QTMAN: variants seen among roughly 807,000 people sequenced by gnomAD.
QTMAN encodes tRNA-queuosine alpha-mannosyltransferase.
At chr2:144,144,387 T>G in the QTMAN span, among the ~76,000 whole-genome samples, 1 of 150,752 alleles carries the variant, frequency 6.6e-6, no homozygotes, top group Non-Finnish European at 1.5e-5. Flanking sequence ...ATAGACTTAG[T>G]TTTTTTCCCA....
the QTMAN span, among the ~76,000 whole-genome samples, chr2:144,101,402 A>T: frequency 6.6e-6 from 1 of 151,364 alleles, no homozygotes; most frequent in African/African-American, 2.4e-5. Flanking sequence ...TCTCACACAC[A>T]CACACACACA....
chr2:143,973,009 T>A, the QTMAN span, among the ~76,000 whole-genome samples: 1 of 152,242 alleles, frequency 6.6e-6, no homozygotes, highest in Non-Finnish European at 1.5e-5. Context: ...GTAATTATTT[T>A]AGGAGACATG....
chr2:144,170,470 G>A, the QTMAN span, among the ~76,000 whole-genome samples: 1 of 152,122 alleles, frequency 6.6e-6, no homozygotes, highest in Non-Finnish European at 1.5e-5. Flanking sequence ...CAAAGGGAGT[G>A]GGTTTGCATC....
At chr2:144,296,236 G>A in the QTMAN span, among the ~76,000 whole-genome samples, 2 of 152,274 alleles carry the variant, frequency 1.3e-5, no homozygotes, top group East Asian at 3.9e-4. Context: ...AAACACTAAG[G>A]TTGATGAGTA....
chr2:144,265,589 C>T, the QTMAN span, among the ~76,000 whole-genome samples: 1 of 151,842 alleles, frequency 6.6e-6, no homozygotes, highest in Admixed American at 6.6e-5. Flanking sequence ...TCCAGCTACT[C>T]GGGAGGCTGA....
At chr2:144,024,903 T>C in the QTMAN span, among the ~76,000 whole-genome samples, 1 of 152,052 alleles carries the variant, frequency 6.6e-6, no homozygotes, top group Non-Finnish European at 1.5e-5. Flanking sequence ...AATATGCCAA[T>C]TAGAAAGCAT....
chr2:144,262,567 C>A, the QTMAN span, among the ~76,000 whole-genome samples: 1 of 6,626 alleles, frequency 1.5e-4, no homozygotes. Context: ...AAGATGCTGT[C>A]TCAAAAAAAA....
the QTMAN span, among the ~76,000 whole-genome samples, chr2:144,072,173 T>C: frequency 6.6e-6 from 1 of 152,182 alleles, no homozygotes; most frequent in African/African-American, 2.4e-5. Flanking sequence ...TGAGACTTAG[T>C]ATTTACTTTG....
the QTMAN span, among the ~76,000 whole-genome samples, chr2:144,247,098 A>G: frequency 2.6e-5 from 4 of 152,228 alleles, no homozygotes; most frequent in Admixed American, 2.6e-4. Flanking sequence ...ACAAGAAGGA[A>G]AACACTATGA....
chr2:144,078,571 A>T, the QTMAN span, among the ~76,000 whole-genome samples: 5 of 152,192 alleles, frequency 3.3e-5, no homozygotes, highest in Admixed American at 3.3e-4. Context: ...AGACATTATG[A>T]TTTTATCTGC....
the QTMAN span, among the ~76,000 whole-genome samples, chr2:143,996,246 C>T: frequency 5.9e-5 from 9 of 151,998 alleles, no homozygotes; most frequent in Admixed American, 2.0e-4. Flanking sequence ...GTCTGTCCAG[C>T]GAGGAGGAAG....
At chr2:144,107,855 A>G in the QTMAN span, among the ~76,000 whole-genome samples, 17 of 152,362 alleles carry the variant, frequency 1.1e-4, no homozygotes, top group African/African-American at 4.1e-4. Flanking sequence ...AAAATCCTCA[A>G]TAAAATACTG....
At chr2:143,957,381 T>G in the QTMAN span, 1 of 1,318,590 alleles carries the variant, frequency 7.6e-7, no homozygotes, top group Non-Finnish European at 1.0e-6. Context: ...TTTAATATAG[T>G]GTAAAATGAT....
At chr2:144,001,198 G>C in the QTMAN span, among the ~76,000 whole-genome samples, 2 of 151,934 alleles carry the variant, frequency 1.3e-5, no homozygotes, top group African/African-American at 4.8e-5. Context: ...GAGAGTCAAA[G>C]GGTGAAACAG....
chr2:144,118,519 A>AC, the QTMAN span, among the ~76,000 whole-genome samples: 4 of 152,224 alleles, frequency 2.6e-5, no homozygotes, highest in South Asian at 8.3e-4. Context: ...ATTCATAAAA[A>AC]CACAAATATC....
the QTMAN span, among the ~76,000 whole-genome samples, chr2:144,278,633 G>T: frequency 3.3e-5 from 5 of 150,330 alleles, no homozygotes; most frequent in Admixed American, 3.3e-4. Flanking sequence ...GACAGATCAA[G>T]ATCTGTCTGA....
chr2:144,191,052 A>G, the QTMAN span, among the ~76,000 whole-genome samples: 3 of 152,186 alleles, frequency 2.0e-5, no homozygotes, highest in Non-Finnish European at 4.4e-5. Flanking sequence ...TATATTCCTC[A>G]AACCAGAGCT....
chr2:144,209,286 G>GT, the QTMAN span, among the ~76,000 whole-genome samples: 1 of 152,188 alleles, frequency 6.6e-6, no homozygotes, highest in Admixed American at 6.5e-5. Flanking sequence ...CTGTGATTCT[G>GT]TAACTCTTGT....
the QTMAN span, among the ~76,000 whole-genome samples, chr2:144,073,506 G>A: frequency 2.6e-5 from 4 of 152,108 alleles, no homozygotes; most frequent in Admixed American, 6.5e-5. Flanking sequence ...ATCCACGATC[G>A]TTTTCAAAAA....
Sources: allele counts gnomAD v4.1 joint callset (sites outside exome capture counted in the v4.1 genomes callset), GRCh38; gene constraint gnomAD v4.1.1; transcripts MANE v1.5; gene names NCBI Gene and HGNC (gene_info 2026-07-23, HGNC 2026-07-21).